The following ZNF85 variants were observed in gnomAD, a reference collection of about 807,000 sequenced individuals.
The protein encoded by ZNF85 is zinc finger protein 85.
A neutral mutation model predicts 53.9 loss-of-function variants in ZNF85; 50 were observed. The observed-to-expected ratio is 0.93, with a 90% CI of 0.74 to 1.17. The LOEUF is 1.17. Ranked by LOEUF, ZNF85 falls within the 50% of genes most tolerant of loss-of-function variation. The probability of loss-of-function intolerance (pLI) is 0.00; values close to 1 mark genes in which losing one functional copy is unlikely to be tolerated. For missense variants in ZNF85, 747 were observed against 688.5 expected, an observed-to-expected ratio of 1.08 and a Z score of -0.95; for synonymous variants, 225 against 226.1, an observed-to-expected ratio of 1.00 and a Z score of 0.04.
Position 20,934,090 on chromosome 19 carries a change from G to C in ZNF85, c.70G>C (p.Ala24Pro). The C allele has an allele frequency of 6.2e-7, 1 of 1,612,060 alleles. No individual in the cohort carries two copies. Among genetic ancestry groups the C allele is most frequent in the African/African-American group, 1.3e-5 (1 of 74,922 alleles). Residue 24 changes from alanine to proline, a missense_variant, in exon 2 of 4, where the codon GCA (alanine) becomes CCA (proline). By Grantham distance (27) the Ala-to-Pro change is conservative. Transcript: ENST00000328178. The part of the protein sequence containing the change: ...SLKEWQCLDT[A>P]QRNLYRNVML... Reference sequence around the variant, plus strand: ...GAAGGAGTGGCAATGCCTGGACACTGCACAGCGGAATTTATATAGAAATGT... The same window carrying C: ...GAAGGAGTGGCAATGCCTGGACACTCCACAGCGGAATTTATATAGAAATGT...
At chr19:20,933,947 G>C (rs564728157) in intron 1 of ZNF85, 77 bp from the exon 2 acceptor site, 1 of 1,387,664 alleles carries the variant, frequency 7.2e-7, no homozygotes, top group Admixed American at 2.5e-5. Context: ...TTCATAACCA[G>C]TTGGTAATTA....
At position 20,937,280 on chromosome 19, in the gene ZNF85, T is replaced by G. The variant is rs147564009; in HGVS notation, c.229+2233T>G. ...CTCCTGACCTCGTGATCCACCCACC[T>G]CAGCCTCCCAAAGTGCTTGGATTAT... On this transcript the variant is annotated intron_variant, in intron 3 of 3. Coordinates refer to ENST00000328178, the MANE Select transcript of ZNF85 (RefSeq NM_003429.5). The G allele has an allele frequency of 6.1e-3, 2,791 of 454,410 alleles. 52 individuals carry two copies. The highest frequency in any genetic ancestry group is 0.05 in the African/African-American group (2,494 of 50,116). The allele number at this position is 454,410 out of a possible 1,614,324, so 28.1% of individuals were successfully genotyped here.
At chr19:20,927,741 G>T (rs1290742039) in intron 1 of ZNF85, 1 of 152,170 alleles carries the variant, frequency 6.6e-6, no homozygotes, top group Non-Finnish European at 1.5e-5. Context: ...AAATTAGCTG[G>T]GCGTGGTGGT....
intron 2 of ZNF85, 109 bp from the exon 3 acceptor site, chr19:20,934,839 TG>T (rs1973118864): frequency 3.6e-6 from 2 of 561,390 alleles, no homozygotes; most frequent in Non-Finnish European, 5.7e-6. Context: ...TATTTGAAAA[TG>T]TCTGTTATAA....
At chr19:20,933,896 T>C in intron 1 of ZNF85, 128 bp from the exon 2 acceptor site, 1 of 1,044,030 alleles carries the variant, frequency 9.6e-7, no homozygotes, top group Non-Finnish European at 1.3e-6. Flanking sequence ...AACAGTTACC[T>C]GTACTCTCTC....
intron 3 of ZNF85, among the ~76,000 whole-genome samples, chr19:20,935,562 T>C (rs925668528): frequency 6.6e-6 from 1 of 152,226 alleles, no homozygotes; most frequent in African/African-American, 2.4e-5. Flanking sequence ...TGCTTTGTTC[T>C]TTTACCTCAA....
At chr19:20,923,910 C>G (rs972953556) in intron 1 of ZNF85, among the ~76,000 whole-genome samples, 3 of 151,968 alleles carry the variant, frequency 2.0e-5, no homozygotes, top group Non-Finnish European at 2.9e-5. Flanking sequence ...GGTGAAACCC[C>G]GTCTCAATTT....
Position 20,930,186 on chromosome 19 carries a change from G to A in ZNF85, c.4-3838G>A, listed in dbSNP as rs1599429084. On this transcript the variant is annotated intron_variant, in intron 1 of 3. Transcript: ENST00000328178. ...TGGTGAATCCTTCTGCCTTTCTAGA[G>A]TTCATGCTCACAATTTCCTTAAACC... Among the ~76,000 whole-genome samples the A allele has an allele frequency of 2.0e-5, 3 of 149,126 alleles. No homozygotes were observed. In the East Asian group the frequency reaches 5.9e-4, roughly 29 times the overall value.
chr19:20,939,851 C>T (rs1250529053), intron 3 of ZNF85, among the ~76,000 whole-genome samples: 1 of 152,112 alleles, frequency 6.6e-6, no homozygotes, highest in Non-Finnish European at 1.5e-5. Context: ...GCATGCACCA[C>T]CACACCCAGG....
intron 1 of ZNF85, among the ~76,000 whole-genome samples, chr19:20,925,267 G>A (rs1173280134): frequency 2.0e-5 from 3 of 151,946 alleles, no homozygotes; most frequent in Non-Finnish European, 4.4e-5. Context: ...GACCAGCATG[G>A]CCAATATGGT....
intron 1 of ZNF85, among the ~76,000 whole-genome samples, chr19:20,930,822 G>C (rs1169595602): frequency 2.0e-5 from 3 of 152,126 alleles, no homozygotes; most frequent in African/African-American, 7.2e-5. Flanking sequence ...GCCCAGACTG[G>C]AGTGCAATGG....
intron 3 of ZNF85, among the ~76,000 whole-genome samples, chr19:20,947,016 C>T (rs1005872198): frequency 1.7e-5 from 2 of 119,366 alleles, no homozygotes; most frequent in African/African-American, 6.0e-5. Flanking sequence ...TCCCAATTTT[C>T]TCTCTCTCTT....
intron 3 of ZNF85, among the ~76,000 whole-genome samples, chr19:20,948,136 G>A (rs758713907): frequency 2.5e-4 from 38 of 152,032 alleles, no homozygotes; most frequent in Non-Finnish European, 4.4e-4. Context: ...GATGTGTCTT[G>A]TCTGAAATGT....
In ZNF85 at chr19:20,942,920, C is replaced by T. The variant is rs1010673365; in HGVS notation, c.230-5824C>T. ...CCTCCCGAGTAGCTTGGACTACAGA[C>T]ATGCAGTACTATGCCTGGCTAATTT... On this transcript the variant is annotated intron_variant, in intron 3 of 3. Coordinates refer to ENST00000328178, the MANE Select transcript of ZNF85 (RefSeq NM_003429.5). The T allele has an allele frequency of 7.7e-6, 5 of 652,246 alleles. No homozygotes were observed. In the Admixed American group the frequency reaches 1.2e-4, roughly 16 times the overall value. 40.4% of individuals were successfully genotyped at this position (652,246 alleles called of 1,614,324 possible).
rs1171157428 is a variant in ZNF85, at chr19:20,948,864, G to T, written c.350G>T (p.Gly117Val). 1 of 1,613,300 alleles carries T rather than the reference G, an allele frequency of 6.2e-7. No homozygotes were observed. The highest frequency in any genetic ancestry group is 1.1e-5 in the South Asian group (1 of 90,782). ...CRHENLPLRK[G>V]CESMDECKMH... The stretch of plus-strand genomic sequence containing the variant: ...CATGAAAATTTACCATTAAGAAAAG[G>T]CTGTGAAAGTATGGATGAGTGTAAG... The change falls in exon 4 of 4, where the codon GGC (glycine) becomes GTC (valine). Residue 117 changes from glycine to valine, a missense_variant. Transcript: ENST00000328178.
intron 3 of ZNF85, chr19:20,937,388 G>A (rs1441531926): frequency 4.4e-6 from 2 of 455,920 alleles, no homozygotes; most frequent in Non-Finnish European, 8.8e-6. Flanking sequence ...GGGCCCCCAG[G>A]GTGACGGGAT....
intron 2 of ZNF85, among the ~76,000 whole-genome samples, chr19:20,934,521 G>C (rs1484025783): frequency 6.6e-6 from 1 of 152,132 alleles, no homozygotes; most frequent in Non-Finnish European, 1.5e-5. Context: ...TGTAATCCCA[G>C]CACTTCGGGA....
intron 1 of ZNF85, among the ~76,000 whole-genome samples, chr19:20,930,721 T>C (rs1272665455): frequency 6.6e-6 from 1 of 152,200 alleles, no homozygotes; most frequent in South Asian, 2.1e-4. Flanking sequence ...CTGTTTCCTC[T>C]GTAAACTTTA....
At chr19:20,942,665 T>C (rs767528732) in intron 3 of ZNF85, 12 of 562,164 alleles carry the variant, frequency 2.1e-5, no homozygotes, top group Non-Finnish European at 3.2e-5. Context: ...GTGTGTTTTA[T>C]TTTTACGTAA....
Sources: allele counts gnomAD v4.1 joint callset (sites outside exome capture counted in the v4.1 genomes callset), GRCh38; gene constraint gnomAD v4.1.1; transcripts MANE v1.5; gene names NCBI Gene and HGNC (gene_info 2026-07-23, HGNC 2026-07-21).